Variants in YAP1 observed in about 807,000 individuals in gnomAD.
The protein encoded by YAP1 is Yes1 associated transcriptional regulator.
In YAP1, 5 loss-of-function variants were observed where a neutral mutation model predicts 56.9. The observed-to-expected ratio is 0.09, with a 90% confidence interval of 0.05 to 0.18. The LOEUF (loss-of-function observed/expected upper bound fraction) is 0.18, where lower values mean the gene tolerates loss of function less well. Among genes scored for constraint, YAP1 ranks in the 10% least tolerant of loss-of-function variants. YAP1 has a pLI of 1.00. For synonymous variants in YAP1, 265 were observed against 248.1 expected, an observed-to-expected ratio of 1.07 and a Z score of -0.64; for missense variants, 539 against 651.8, an observed-to-expected ratio of 0.83 and a Z score of 1.88.
At chr11:102,112,461 G>A (rs1367321248) in intron 1 of YAP1, 8 of 829,612 alleles carry the variant, frequency 9.6e-6, no homozygotes, top group Non-Finnish European at 1.1e-5. Context: ...ACTTGCTTCA[G>A]GCTAAACTTC....
chr11:102,120,845 A>G (rs1943605230), intron 2 of YAP1, among the ~76,000 whole-genome samples: 1 of 152,234 alleles, frequency 6.6e-6, no homozygotes. Context: ...GGAATGTAGT[A>G]TAGAAAGTTG....
intron 6 of YAP1, among the ~76,000 whole-genome samples, 191 bp downstream of exon 6, chr11:102,209,755 C>T (rs1376215723): frequency 6.6e-6 from 1 of 152,182 alleles, no homozygotes; most frequent in Non-Finnish European, 1.5e-5. Context: ...TCTGCTCCCT[C>T]CCTGCTCCTC....
chr11:102,121,864 C>T (rs1284181762), intron 2 of YAP1, among the ~76,000 whole-genome samples: 1 of 152,158 alleles, frequency 6.6e-6, no homozygotes, highest in Non-Finnish European at 1.5e-5. Context: ...GTTGCATGAT[C>T]ACTGCTCACA....
intron 6 of YAP1, among the ~76,000 whole-genome samples, chr11:102,212,926 A>G (rs1565275623): frequency 6.6e-6 from 1 of 152,184 alleles, no homozygotes. Context: ...TATGATTTTT[A>G]TGTTTCAAAA....
At chr11:102,150,975 A>G (rs991359397) in intron 2 of YAP1, among the ~76,000 whole-genome samples, 1 of 151,388 alleles carries the variant, frequency 6.6e-6, no homozygotes, top group Admixed American at 6.6e-5. Flanking sequence ...TAATTTTTGT[A>G]TTTTTAGTAG....
intron 4 of YAP1, among the ~76,000 whole-genome samples, chr11:102,205,572 C>T (rs549362255): frequency 1.1e-4 from 16 of 152,078 alleles, no homozygotes; most frequent in African/African-American, 3.9e-4. Flanking sequence ...ACCCCCGCTC[C>T]CTTCCCCCAC....
At chr11:102,119,137 G>A (rs1172858982) in intron 2 of YAP1, among the ~76,000 whole-genome samples, 1 of 151,822 alleles carries the variant, frequency 6.6e-6, no homozygotes, top group Non-Finnish European at 1.5e-5. Context: ...CTTAGCTCTG[G>A]GGGGTGGGGG....
chr11:102,198,213 C>T (rs1265405494), intron 4 of YAP1, among the ~76,000 whole-genome samples: 1 of 152,128 alleles, frequency 6.6e-6, no homozygotes, highest in Non-Finnish European at 1.5e-5. Flanking sequence ...GATATCCTAA[C>T]TAATTTTTCC....
chr11:102,146,090 T>C (rs1310059244), intron 2 of YAP1, among the ~76,000 whole-genome samples: 1 of 152,218 alleles, frequency 6.6e-6, no homozygotes, highest in Admixed American at 6.5e-5. Flanking sequence ...ATATAAGTAA[T>C]GTACTTGGAC....
chr11:102,220,812 T>C (rs72974172), intron 6 of YAP1, among the ~76,000 whole-genome samples: 1 of 152,298 alleles, frequency 6.6e-6, no homozygotes, highest in Non-Finnish European at 1.5e-5. Flanking sequence ...GAATTAATGA[T>C]TGAAATACAG....
chr11:102,127,798 T>C (rs543091046), intron 2 of YAP1, among the ~76,000 whole-genome samples: 1 of 152,198 alleles, frequency 6.6e-6, no homozygotes, highest in East Asian at 1.9e-4. Flanking sequence ...GAAGGGAGGC[T>C]GTACCCTGTA....
intron 2 of YAP1, among the ~76,000 whole-genome samples, chr11:102,157,325 A>G (rs961101677): frequency 1.3e-5 from 2 of 152,208 alleles, no homozygotes; most frequent in African/African-American, 2.4e-5. Context: ...GGCTCATGGA[A>G]GGATTAGATT....
chr11:102,195,276 TTC>T (rs1161655107), intron 4 of YAP1, among the ~76,000 whole-genome samples: 2 of 152,224 alleles, frequency 1.3e-5, no homozygotes, highest in African/African-American at 4.8e-5. Context: ...TCTGCTGGAT[TTC>T]TTTTTGTTTT....
intron 2 of YAP1, among the ~76,000 whole-genome samples, chr11:102,144,501 C>G (rs57102842): frequency 0.08 from 12,223 of 152,206 alleles, 781 homozygotes; most frequent in African/African-American, 0.16. Context: ...GAATAAGCTT[C>G]TGCTTTCAGG....
chr11:102,114,356 G>A lies in YAP1; in HGVS notation c.534G>A (p.Glu178=). 6.2e-7 allele frequency: 1 copy of A among 1,614,110 alleles called. No homozygotes were observed. The highest frequency in any genetic ancestry group is 8.5e-7 in the Non-Finnish European group (1 of 1,179,922). ...ATGTACCTCTGCCAGCAGGTTGGGA[G>A]ATGGCAAAGACATCTTCTGGTCAGA... ...PDDVPLPAGW[E]MAKTSSGQRY... is the part of the protein sequence containing the mutation. The change falls in exon 2 of 9, where the codon GAG becomes GAA. Residue 178 remains glutamate, a synonymous_variant. Coordinates refer to ENST00000282441, the MANE Select transcript of YAP1 (RefSeq NM_001130145.3).
rs1950389778 is a variant in YAP1 at position 102,230,253 on chromosome 11, G to A, written c.*313G>A. 1 of 229,544 alleles carries A rather than the reference G, an allele frequency of 4.4e-6. No homozygotes were observed. Among genetic ancestry groups the A allele is most frequent in the East Asian group, 1.0e-4 (1 of 10,006 alleles). The allele number at this position is 229,544 out of a possible 1,614,324, so 14.2% of individuals were successfully genotyped here. A position where few individuals can be genotyped will look rare whatever the true frequency, so the allele number is the denominator to read the frequency against. On this transcript the variant is annotated 3_prime_UTR_variant, in exon 9 of 9. Transcript: ENST00000282441. Reference sequence around the variant, plus strand: ...TTGGATGATGGATGCCATTCCTTTTGCCCAGTTAAATGTTCACCAATCATT... The same window carrying A: ...TTGGATGATGGATGCCATTCCTTTTACCCAGTTAAATGTTCACCAATCATT...
chr11:102,184,460 T>C (rs1947840020), intron 3 of YAP1, among the ~76,000 whole-genome samples: 1 of 152,222 alleles, frequency 6.6e-6, no homozygotes, highest in Admixed American at 6.5e-5. Flanking sequence ...ACTTGGTTAG[T>C]AGTGTGTACT....
In YAP1 at chr11:102,114,162, A is replaced by G; in HGVS notation, c.340A>G (p.Thr114Ala). 1.9e-6 allele frequency: 3 copies of G among 1,613,866 alleles called. No individual in the cohort carries two copies. The highest frequency in any genetic ancestry group is 2.5e-6 in the Non-Finnish European group (3 of 1,179,804). ...CTAATAGGCCAGTACTGATGCAGGC[A>G]CTGCAGGAGCCCTGACTCCACAGCA... is the stretch of plus-strand genomic sequence containing the variant. ...HSRQASTDAG[T>A]AGALTPQHVR... The change falls in exon 2 of 9, where the codon ACT becomes GCT. Residue 114 changes from threonine (T) to alanine (A), a missense_variant. By Grantham distance (58) the Thr-to-Ala change is moderately conservative. Coordinates refer to ENST00000282441, the MANE Select transcript of YAP1 (RefSeq NM_001130145.3).
At chr11:102,175,629 C>T (rs1229880856) in intron 3 of YAP1, among the ~76,000 whole-genome samples, 1 of 152,064 alleles carries the variant, frequency 6.6e-6, no homozygotes, top group Admixed American at 6.6e-5. Context: ...GATGGTATAG[C>T]CTATTATACA....
Sources: allele counts gnomAD v4.1 joint callset (sites outside exome capture counted in the v4.1 genomes callset), GRCh38; gene constraint gnomAD v4.1.1; transcripts MANE v1.5; gene names NCBI Gene and HGNC (gene_info 2026-07-23, HGNC 2026-07-21).